SLC1A6: variants seen among roughly 807,000 people sequenced by gnomAD.
SLC1A6 encodes excitatory amino acid transporter 4.
Under a neutral mutation model 42.1 loss-of-function variants are expected in SLC1A6, and 15 were observed. That is an observed-to-expected ratio of 0.36 (90% CI 0.24 to 0.55). The LOEUF (loss-of-function observed/expected upper bound fraction) is 0.55, where lower values mean the gene tolerates loss of function less well. SLC1A6 is among the 20% of genes least tolerant of loss of function. SLC1A6 has a pLI of 0.88. For synonymous variants in SLC1A6, 317 were observed against 319.7 expected, an observed-to-expected ratio of 0.99 and a Z score of 0.09; for missense variants, 542 against 772.5, an observed-to-expected ratio of 0.70 and a Z score of 3.54.
chr19:15,005,277 A>G (rs2045890735), intron 1 of SLC1A6, among the ~76,000 whole-genome samples: 3 of 150,120 alleles, frequency 2.0e-5, no homozygotes, highest in South Asian at 2.1e-4. Context: ...AAAAAAAAAA[A>G]GCAGGGCACG....
chr19:15,001,182 T>TG (rs61285096), intron 1 of SLC1A6, among the ~76,000 whole-genome samples: 114,158 of 151,792 alleles, frequency 0.75, 43,028 homozygotes, highest in South Asian at 0.82. Context: ...GGCTGGGAAC[T>TG]TAGTTATTCA....
chr19:14,955,661 G>A (rs901779448), intron 7 of SLC1A6, among the ~76,000 whole-genome samples: 7 of 151,570 alleles, frequency 4.6e-5, no homozygotes, highest in South Asian at 2.1e-4. Context: ...TTGGCCGGGC[G>A]TGGCGGCTTA....
chr19:14,974,420 A>G (rs1233246938), intron 1 of SLC1A6: 2 of 152,194 alleles, frequency 1.3e-5, no homozygotes, highest in African/African-American at 2.4e-5. Context: ...TGGAAACTTT[A>G]GACCCCTACT....
In SLC1A6 at chr19:14,972,758, G is replaced by T; in HGVS notation, c.153C>A (p.Arg51=). The change falls in exon 2 of 10, where the codon CGC becomes CGA. Residue 51 remains arginine, a synonymous_variant. Transcript: ENST00000594383. ...LQTMTLEHVL[R]FLRRNAFILL... Reference sequence around the variant, plus strand: ...GAATGAAGGCGTTTCGGCGCAGGAAGCGCAGCACGTGCTCGAGGGTCATGG... The same window carrying T: ...GAATGAAGGCGTTTCGGCGCAGGAATCGCAGCACGTGCTCGAGGGTCATGG... 6.2e-7 allele frequency: 1 copy of T among 1,614,030 alleles called. No individual in the cohort carries two copies. Among genetic ancestry groups the T allele is most frequent in the Non-Finnish European group, 8.5e-7 (1 of 1,180,038 alleles).
At chr19:14,962,574 C>T (rs2045526833) in intron 5 of SLC1A6, among the ~76,000 whole-genome samples, 1 of 152,072 alleles carries the variant, frequency 6.6e-6, no homozygotes, top group South Asian at 2.1e-4. Context: ...TCAGTAAACC[C>T]ATTATGAAAA....
upstream of SLC1A6, chr19:14,980,108 C>G (rs2045757583): frequency 6.6e-6 from 1 of 152,302 alleles, no homozygotes; most frequent in Non-Finnish European, 1.5e-5. Context: ...CTCCGCTGCC[C>G]CCTTCTCCTT....
chr19:14,971,623 G>A, intron 3 of SLC1A6, 114 bp downstream of exon 3: 1 of 1,053,954 alleles, frequency 9.5e-7, no homozygotes, highest in Non-Finnish European at 1.4e-6. Flanking sequence ...CAGGCTCCAT[G>A]TTTGAGGTGC....
chr19:14,955,704 G>C (rs1402718763), intron 7 of SLC1A6, among the ~76,000 whole-genome samples: 1 of 152,004 alleles, frequency 6.6e-6, no homozygotes. Context: ...AGAGGCCAAG[G>C]TGGGCAGATC....
At chr19:14,980,183 C>A (rs575387690), upstream of SLC1A6, 5 of 152,504 alleles carry the variant, frequency 3.3e-5, no homozygotes, top group African/African-American at 1.2e-4. Context: ...TCCTCTCCCT[C>A]TCTGAGCCTG....
At position 14,985,814 on chromosome 19, in the gene SLC1A6, T is replaced by C. The variant is rs113171606; in HGVS notation, c.7-12897A>G. Among the ~76,000 whole-genome samples, 1,108 of 152,174 alleles carry C rather than the reference T, an allele frequency of 7.3e-3. 19 individuals are homozygous for C. Among genetic ancestry groups the C allele is most frequent in the African/African-American group, 0.025 (1,058 of 41,520 alleles). ...TCCATCTCTACTTACAATACAAAAA[T>C]TAGCTGGGCATGGTGGTGCATACCA... On this transcript the variant is annotated intron_variant, in intron 1 of 8. Coordinates refer to the SLC1A6 transcript ENST00000430939.
chr19:14,982,178 A>G (rs1368361639), upstream of SLC1A6, among the ~76,000 whole-genome samples: 3 of 152,238 alleles, frequency 2.0e-5, no homozygotes, highest in Non-Finnish European at 4.4e-5. Context: ...GAAAAGAAAA[A>G]GGATATAAGG....
chr19:15,001,725 A>T (rs1025135759), intron 1 of SLC1A6, among the ~76,000 whole-genome samples: 5 of 152,034 alleles, frequency 3.3e-5, no homozygotes, highest in African/African-American at 9.7e-5. Flanking sequence ...CAGTGGCACA[A>T]TCAGGGCTCA....
At chr19:15,002,093 GTTTTA>G (rs1286880323) in intron 1 of SLC1A6, among the ~76,000 whole-genome samples, 1 of 151,774 alleles carries the variant, frequency 6.6e-6, no homozygotes, top group Non-Finnish European at 1.5e-5. Context: ...TTTTATTATT[GTTTTA>G]TTTTGTTTTG....
intron 1 of SLC1A6, among the ~76,000 whole-genome samples, chr19:14,994,992 C>T (rs1168784539): frequency 6.6e-6 from 1 of 152,076 alleles, no homozygotes; most frequent in East Asian, 1.9e-4. Flanking sequence ...CATGATCTCA[C>T]TCATATGTGG....
At chr19:14,966,892 AGG>A (rs1156522871) in intron 4 of SLC1A6, among the ~76,000 whole-genome samples, 1 of 151,904 alleles carries the variant, frequency 6.6e-6, no homozygotes, top group Non-Finnish European at 1.5e-5. Flanking sequence ...GTGGGGGCAA[AGG>A]GAGGGGGAGC....
At chr19:14,987,518 G>T (rs2045798813) in intron 1 of SLC1A6, among the ~76,000 whole-genome samples, 1 of 151,920 alleles carries the variant, frequency 6.6e-6, no homozygotes, top group Non-Finnish European at 1.5e-5. Flanking sequence ...ATCAGGAAAA[G>T]AATATATGGA....
chr19:15,003,289 T>C (rs892204143), intron 1 of SLC1A6, among the ~76,000 whole-genome samples: 1 of 152,092 alleles, frequency 6.6e-6, no homozygotes, highest in African/African-American at 2.4e-5. Flanking sequence ...GCCTGAGTCA[T>C]TTTGAGGGAC....
chr19:15,009,086 G>C (rs1207518820), intron 1 of SLC1A6, among the ~76,000 whole-genome samples: 1 of 117,716 alleles, frequency 8.5e-6, no homozygotes, highest in Non-Finnish European at 1.7e-5. Context: ...ATATATATCG[G>C]ATACAAATGC....
intron 9 of SLC1A6, among the ~76,000 whole-genome samples, chr19:14,952,006 C>A (rs1179181539): frequency 6.7e-6 from 1 of 149,706 alleles, no homozygotes; most frequent in East Asian, 2.0e-4. Flanking sequence ...AGAGATGGGA[C>A]TTGCCATGTT....
Sources: allele counts gnomAD v4.1 joint callset (sites outside exome capture counted in the v4.1 genomes callset), GRCh38; gene constraint gnomAD v4.1.1; transcripts MANE v1.5; gene names NCBI Gene and HGNC (gene_info 2026-07-23, HGNC 2026-07-21).